RGL1: variants seen among roughly 807,000 people sequenced by gnomAD.
RGL1 encodes the protein ral guanine nucleotide dissociation stimulator-like 1.
A neutral mutation model predicts 95.2 loss-of-function variants in RGL1; 24 were observed. That is an observed-to-expected ratio of 0.25 (90% CI 0.18 to 0.35). The LOEUF is 0.35. Among genes scored for constraint, RGL1 ranks in the 10% least tolerant of loss-of-function variants. The probability of loss-of-function intolerance (pLI) is 1.00; values close to 1 mark genes in which losing one functional copy is unlikely to be tolerated. For missense variants in RGL1, 715 were observed against 936.3 expected (o/e 0.76, Z 3.08); for synonymous variants, 329 against 344.9 (o/e 0.95, Z 0.51).
intron 4 of RGL1, among the ~76,000 whole-genome samples, chr1:183,876,054 A>G (rs1049955400): frequency 3.9e-5 from 6 of 151,964 alleles, no homozygotes; most frequent in African/African-American, 1.4e-4. Flanking sequence ...CCTAACCCTC[A>G]AGATCTCAGC....
chr1:183,715,898 G>T (rs2102190029), intron 1 of RGL1, among the ~76,000 whole-genome samples: 1 of 152,270 alleles, frequency 6.6e-6, no homozygotes, highest in East Asian at 1.9e-4. Context: ...TGTAGTTCTA[G>T]TGCAACTCTG....
At chr1:183,679,786 G>A (rs184355448) in intron 1 of RGL1, among the ~76,000 whole-genome samples, 15 of 152,206 alleles carry the variant, frequency 9.9e-5, no homozygotes, top group African/African-American at 1.9e-4. Context: ...TTGAGGAATC[G>A]CCACACTGTC....
chr1:183,735,029 G>C (rs1656852328), intron 1 of RGL1, among the ~76,000 whole-genome samples: 1 of 152,040 alleles, frequency 6.6e-6, no homozygotes, highest in East Asian at 1.9e-4. Context: ...GTTTCTCCAG[G>C]GAGGGTCACA....
At chr1:183,722,657 A>G (rs1656077826) in intron 1 of RGL1, among the ~76,000 whole-genome samples, 2 of 152,242 alleles carry the variant, frequency 1.3e-5, no homozygotes, top group African/African-American at 2.4e-5. Flanking sequence ...TATGCATGTC[A>G]GAAGACAATG....
intron 2 of RGL1, among the ~76,000 whole-genome samples, chr1:183,809,805 A>G (rs1443600140): frequency 2.0e-5 from 3 of 152,090 alleles, no homozygotes; most frequent in Non-Finnish European, 4.4e-5. Context: ...TAAAATTAAA[A>G]AATTAGCTGA....
chr1:183,757,962 A>G (rs1416933497), intron 2 of RGL1, among the ~76,000 whole-genome samples: 1 of 152,208 alleles, frequency 6.6e-6, no homozygotes, highest in Non-Finnish European at 1.5e-5. Flanking sequence ...TGGCCAGGGC[A>G]TCAACTTCAG....
chr1:183,776,428 G>A (rs967975481), intron 2 of RGL1, among the ~76,000 whole-genome samples: 1 of 152,026 alleles, frequency 6.6e-6, no homozygotes, highest in Non-Finnish European at 1.5e-5. Context: ...GATTACAGGC[G>A]TGAGCCACCG....
chr1:183,655,323 G>T (rs926397069), intron 1 of RGL1, among the ~76,000 whole-genome samples: 9 of 152,166 alleles, frequency 5.9e-5, no homozygotes, highest in Admixed American at 4.6e-4. Flanking sequence ...TCTTTGGGTG[G>T]CAGGAAGTAA....
At chr1:183,760,637 A>G (rs1658614658) in intron 2 of RGL1, among the ~76,000 whole-genome samples, 1 of 149,566 alleles carries the variant, frequency 6.7e-6, no homozygotes, top group Admixed American at 6.7e-5. Flanking sequence ...CCAGCTACTC[A>G]GGAGGCTGAG....
chr1:183,698,628 T>G (rs930810923), intron 1 of RGL1, among the ~76,000 whole-genome samples: 1 of 152,236 alleles, frequency 6.6e-6, no homozygotes, highest in Non-Finnish European at 1.5e-5. Context: ...TATTACACAT[T>G]ATTTTGAAAT....
At chr1:183,807,343 G>C (rs1661414510) in intron 2 of RGL1, among the ~76,000 whole-genome samples, 1 of 152,190 alleles carries the variant, frequency 6.6e-6, no homozygotes, top group African/African-American at 2.4e-5. Flanking sequence ...GAATAGAGGG[G>C]GTGGAGTGTG....
At chr1:183,648,415 T>C (rs1650473442) in intron 1 of RGL1, 1 of 1,614,098 alleles carries the variant, frequency 6.2e-7, no homozygotes, top group Non-Finnish European at 8.5e-7. Flanking sequence ...GGGGAGTTGT[T>C]GGAATACAGA....
upstream of RGL1, chr1:183,805,035 G>A: frequency 2.8e-6 from 1 of 357,228 alleles, no homozygotes; most frequent in Non-Finnish European, 5.0e-6. Context: ...GTGCTCACAA[G>A]CACAAACAGG....
At chr1:183,638,133 T>A (rs1330611082) in intron 1 of RGL1, among the ~76,000 whole-genome samples, 4 of 152,190 alleles carry the variant, frequency 2.6e-5, no homozygotes, top group Non-Finnish European at 5.9e-5. Context: ...GGAAATTTTT[T>A]ATTTTCTTAT....
At chr1:183,711,896 A>G (rs1035316231) in intron 1 of RGL1, among the ~76,000 whole-genome samples, 2 of 152,238 alleles carry the variant, frequency 1.3e-5, no homozygotes, top group African/African-American at 4.8e-5. Flanking sequence ...CCCAAGAGCT[A>G]AATCGTTAGT....
chr1:183,717,729 G>T (rs896283317), intron 1 of RGL1, among the ~76,000 whole-genome samples: 2 of 152,198 alleles, frequency 1.3e-5, no homozygotes, highest in Admixed American at 1.3e-4. Flanking sequence ...ATAAACTAGT[G>T]GAGGAGGCAT....
In RGL1 at chr1:183,916,486, A is replaced by G. The variant is rs980039328; in HGVS notation, c.1789A>G (p.Met597Val). Residue 597 changes from methionine to valine, a missense_variant, in exon 16 of 18, where the codon ATG becomes GTG. Transcript: ENST00000360851. Reference protein sequence around the residue: ...SSSSCSSIHSMDTNSSGMSSL... With the variant: ...SSSSCSSIHSVDTNSSGMSSL... ...CTCATCCTGTTCTTCTATCCATTCC[A>G]TGGACACAAATTCCTCAGGGATGTC... 4 of 1,613,214 alleles carry G rather than the reference A, an allele frequency of 2.5e-6. No homozygotes were observed. The African/African-American group carries it at 5.4e-5, about 22-fold the overall frequency.
intron 4 of RGL1, among the ~76,000 whole-genome samples, chr1:183,873,942 T>C (rs1226301451): frequency 6.6e-6 from 1 of 152,218 alleles, no homozygotes; most frequent in Non-Finnish European, 1.5e-5. Context: ...GGAAACTCAG[T>C]TCTAGTGGTG....
chr1:183,689,284 T>C (rs1335083213), intron 1 of RGL1, among the ~76,000 whole-genome samples: 1 of 152,106 alleles, frequency 6.6e-6, no homozygotes, highest in Non-Finnish European at 1.5e-5. Context: ...ATCCTAAAGG[T>C]GAACTGAATT....
Sources: allele counts gnomAD v4.1 joint callset (sites outside exome capture counted in the v4.1 genomes callset), GRCh38; gene constraint gnomAD v4.1.1; transcripts MANE v1.5; gene names NCBI Gene and HGNC (gene_info 2026-07-23, HGNC 2026-07-21).